Variants in ARHGEF28 observed in about 807,000 individuals in gnomAD.
The protein encoded by ARHGEF28 is 190 kDa guanine nucleotide exchange factor.
In ARHGEF28, 152 loss-of-function variants were observed where a neutral mutation model predicts 206.6. That is an observed-to-expected ratio of 0.74 (90% confidence interval 0.64 to 0.84). The LOEUF is 0.84. ARHGEF28 is among the 40% of genes least tolerant of loss of function. The probability of loss-of-function intolerance (pLI) is 0.00; values close to 1 mark genes in which losing one functional copy is unlikely to be tolerated. For synonymous variants in ARHGEF28, 763 were observed against 776.4 expected (o/e 0.98, Z 0.29); for missense variants, 2,028 against 2,073.2 (o/e 0.98, Z 0.42).
At chr5:73,829,522 G>A (rs556978903) in intron 9 of ARHGEF28, among the ~76,000 whole-genome samples, 37 of 152,262 alleles carry the variant, frequency 2.4e-4, no homozygotes, top group African/African-American at 8.9e-4. Flanking sequence ...TGGGACTACA[G>A]GCGTGTGCCA....
At chr5:73,848,337 T>A (rs1406052122) in intron 12 of ARHGEF28, among the ~76,000 whole-genome samples, 1 of 152,130 alleles carries the variant, frequency 6.6e-6, no homozygotes, top group Non-Finnish European at 1.5e-5. Flanking sequence ...GGCAAGTCAT[T>A]TTAAAGTAGT....
At position 73,889,533 on chromosome 5, in the gene ARHGEF28, A is replaced by AGAC. The variant is rs1298955344; in HGVS notation, c.3387+1855_3387+1857dup. On this transcript the variant is annotated intron_variant, in intron 26 of 35. Transcript: ENST00000513042. ...CAAATTCAAAAGGAGCAAACAACCA[A>AGAC]GACAGTGAACATGTGGACCTGCAGG... 3.3e-5 allele frequency among the ~76,000 whole-genome samples: 5 copies of AGAC among 152,376 alleles called. No homozygotes were observed. The East Asian group carries it at 9.6e-4, about 29-fold the overall frequency.
chr5:73,852,359 T>G (rs1579988421), intron 13 of ARHGEF28, among the ~76,000 whole-genome samples: 4 of 152,320 alleles, frequency 2.6e-5, no homozygotes, highest in Admixed American at 2.6e-4. Context: ...GAGCTAATTT[T>G]CTGCACTTCT....
intron 2 of ARHGEF28, among the ~76,000 whole-genome samples, chr5:73,697,316 AT>A (rs1005441975): frequency 7.2e-4 from 110 of 152,300 alleles, no homozygotes; most frequent in African/African-American, 2.5e-3. Context: ...CCCAGCACTT[AT>A]AGTTACTGTA....
At chr5:73,647,029 C>G (rs759066886) in intron 1 of ARHGEF28, among the ~76,000 whole-genome samples, 1 of 152,118 alleles carries the variant, frequency 6.6e-6, no homozygotes, top group Admixed American at 6.6e-5. Context: ...CTTTGAAGAG[C>G]CCAACTCAGA....
Position 73,841,727 on chromosome 5 carries a change from A to G in ARHGEF28, c.1427+967A>G, listed in dbSNP as rs201801974. ...TCAAAAAGAAGAAAAAAAAAAAAAA[A>G]AGAGAGAAAAAGAAAAACAAAATAA... On this transcript the variant is annotated intron_variant, in intron 11 of 35. Transcript: ENST00000513042. 2.6e-3 allele frequency among the ~76,000 whole-genome samples: 387 copies of G among 150,628 alleles called. 8 individuals carry two copies. In the East Asian group the frequency reaches 0.047, roughly 18 times the overall value.
chr5:73,738,325 G>A (rs1022594291), intron 2 of ARHGEF28, among the ~76,000 whole-genome samples: 6 of 152,168 alleles, frequency 3.9e-5, no homozygotes, highest in Non-Finnish European at 7.4e-5. Flanking sequence ...TCAGTTTGCT[G>A]TAATGTAAGG....
In ARHGEF28 at chr5:73,868,234, A is replaced by T. The variant is rs779706480; in HGVS notation, c.2425+7A>T. 6.4e-7 allele frequency: 1 copy of T among 1,566,674 alleles called. No homozygotes were observed. The highest frequency in any genetic ancestry group is 1.2e-5 in the South Asian group (1 of 85,210). On this transcript the variant is annotated splice_region_variant and intron_variant, in intron 20 of 35. Transcript: ENST00000513042. ...GAGTCTTTCATAATGGAAGGTGAGGAGAAGACACACTTCCATTTATTTGTG... is the reference window on the plus strand; with the variant it reads ...GAGTCTTTCATAATGGAAGGTGAGGTGAAGACACACTTCCATTTATTTGTG...
intron 7 of ARHGEF28, among the ~76,000 whole-genome samples, chr5:73,788,492 A>T (rs575221281): frequency 1.6e-4 from 25 of 152,174 alleles, no homozygotes; most frequent in Non-Finnish European, 2.9e-4. Context: ...TGATTAATAT[A>T]TATTTTGTAT....
chr5:73,667,745 C>G (rs1323185371), intron 1 of ARHGEF28, among the ~76,000 whole-genome samples: 1 of 152,162 alleles, frequency 6.6e-6, no homozygotes, highest in Non-Finnish European at 1.5e-5. Context: ...TGCCTTCTCT[C>G]ATTTTATTAT....
chr5:73,923,558 A>G (rs955639349), intron 35 of ARHGEF28, among the ~76,000 whole-genome samples: 1 of 152,206 alleles, frequency 6.6e-6, no homozygotes, highest in Non-Finnish European at 1.5e-5. Context: ...AGAGATACAG[A>G]TATATAGGTA....
At chr5:73,853,986 A>G (rs542254305) in intron 14 of ARHGEF28, among the ~76,000 whole-genome samples, 1 of 152,286 alleles carries the variant, frequency 6.6e-6, no homozygotes, top group Non-Finnish European at 1.5e-5. Flanking sequence ...TGGCATCTTT[A>G]TGAAGTTTCT....
chr5:73,760,000 ATCTTT>A, intron 4 of ARHGEF28, among the ~76,000 whole-genome samples: 1 of 152,218 alleles, frequency 6.6e-6, no homozygotes, highest in South Asian at 2.1e-4. Context: ...TTGTGGTTTT[ATCTTT>A]GAATACTGTC....
chr5:73,771,662 T>C (rs1464806873), intron 4 of ARHGEF28, among the ~76,000 whole-genome samples: 1 of 152,158 alleles, frequency 6.6e-6, no homozygotes, highest in Non-Finnish European at 1.5e-5. Context: ...TGTATATTTG[T>C]TACCTGATCT....
In ARHGEF28 at chr5:73,849,109, G is replaced by C. The variant is rs190183288; in HGVS notation, c.1747+22G>C. On this transcript the variant is annotated intron_variant, in intron 13 of 35. Transcript: ENST00000513042. ...GAAGGTAAGCATCATTTAACATTTG[G>C]CTTTGAAAACACTCTATTCCAGAAC... is the stretch of plus-strand genomic sequence containing the variant. The C allele has an allele frequency of 2.6e-4, 386 of 1,493,146 alleles. 3 individuals carry two copies. The African/African-American group carries it at 4.6e-3, about 18-fold the overall frequency. 92.5% of individuals were successfully genotyped at this position (1,493,146 alleles called of 1,614,324 possible).
chr5:73,654,126 C>G (rs748579605), intron 1 of ARHGEF28, among the ~76,000 whole-genome samples: 73 of 152,132 alleles, frequency 4.8e-4, no homozygotes, highest in South Asian at 4.1e-4. Flanking sequence ...CATGTACCAG[C>G]CCCTGGCTGC....
At chr5:73,847,019 G>A (rs1165559786) in intron 12 of ARHGEF28, among the ~76,000 whole-genome samples, 1 of 152,084 alleles carries the variant, frequency 6.6e-6, no homozygotes. Flanking sequence ...ATTTAGGTGT[G>A]CTTGTTTTTT....
chr5:73,924,571 C>G (rs938303009), intron 35 of ARHGEF28, among the ~76,000 whole-genome samples: 2 of 152,124 alleles, frequency 1.3e-5, no homozygotes, highest in Admixed American at 1.3e-4. Context: ...TTGGTGCATT[C>G]GAGCCACTGG....
intron 1 of ARHGEF28, among the ~76,000 whole-genome samples, chr5:73,656,884 T>C (rs1745241400): frequency 6.6e-6 from 1 of 152,168 alleles, no homozygotes; most frequent in South Asian, 2.1e-4. Context: ...AAAAAGAATG[T>C]TGGAGGCTGG....
Sources: allele counts gnomAD v4.1 joint callset (sites outside exome capture counted in the v4.1 genomes callset), GRCh38; gene constraint gnomAD v4.1.1; transcripts MANE v1.5; gene names NCBI Gene and HGNC (gene_info 2026-07-23, HGNC 2026-07-21).